Variants in ABCA10 observed in about 807,000 individuals in gnomAD.
The protein encoded by ABCA10 is ATP binding cassette subfamily A member 10.
In ABCA10, 169 loss-of-function variants were observed where a neutral mutation model predicts 187.5. The ratio of observed to expected loss-of-function variants is 0.90; its 90% CI spans 0.80 to 1.02. The LOEUF is 1.02. Among genes scored for constraint, ABCA10 ranks in the 50% least tolerant of loss-of-function variants. ABCA10 has a pLI of 0.00. For missense variants in ABCA10, 1,727 were observed against 1,812.4 expected (o/e 0.95, Z 0.86); for synonymous variants, 574 against 601.8 (o/e 0.95, Z 0.68).
intron 9 of ABCA10, among the ~76,000 whole-genome samples, chr17:69,206,753 T>C (rs1291192372): frequency 6.6e-6 from 1 of 152,134 alleles, no homozygotes; most frequent in Non-Finnish European, 1.5e-5. Flanking sequence ...GGAACATCTG[T>C]ACAAAAATCA....
chr17:69,235,232 GGA>G (rs1295862438), intron 1 of ABCA10, among the ~76,000 whole-genome samples: 1 of 152,134 alleles, frequency 6.6e-6, no homozygotes. Flanking sequence ...TGTGCCATTT[GGA>G]GAGTGCCTGA....
chr17:69,235,778 A>C (rs899655847), intron 1 of ABCA10, among the ~76,000 whole-genome samples: 7 of 152,108 alleles, frequency 4.6e-5, no homozygotes, highest in South Asian at 2.1e-4. Flanking sequence ...AGATTTAAAA[A>C]AAAGAAAACA....
At chr17:69,201,298 G>A (rs1226480422) in intron 10 of ABCA10, among the ~76,000 whole-genome samples, 1 of 152,154 alleles carries the variant, frequency 6.6e-6, no homozygotes, top group East Asian at 1.9e-4. Context: ...TGAGAGGCAA[G>A]AAAATGATAG....
chr17:69,149,137 T>G (rs1313572929), intron 37 of ABCA10, 49 bp from the exon 38 acceptor site: 2 of 1,602,508 alleles, frequency 1.2e-6, no homozygotes, highest in South Asian at 2.2e-5. Context: ...TTTCACCAAG[T>G]GTTTGTAAAG....
chr17:69,196,036 C>CCAT (rs2074497826), intron 11 of ABCA10, among the ~76,000 whole-genome samples: 1 of 152,364 alleles, frequency 6.6e-6, no homozygotes, highest in East Asian at 1.9e-4. Flanking sequence ...GACAAAACCG[C>CCAT]CATCATCATC....
intron 18 of ABCA10, 150 bp from the exon 19 acceptor site, chr17:69,188,029 T>C (rs2074435284): frequency 1.4e-6 from 1 of 705,882 alleles, no homozygotes; most frequent in East Asian, 2.7e-5. Flanking sequence ...TAAAAATCTT[T>C]CCTTCAAACA....
intron 15 of ABCA10, 70 bp from the exon 16 acceptor site, chr17:69,192,723 G>T: frequency 3.8e-6 from 5 of 1,311,558 alleles, no homozygotes; most frequent in Non-Finnish European, 5.4e-6. Flanking sequence ...CTCTACTTTG[G>T]ATACTAAAAC....
At chr17:69,207,534 G>GATAT (rs200057083) in intron 9 of ABCA10, among the ~76,000 whole-genome samples, 5 of 150,228 alleles carry the variant, frequency 3.3e-5, no homozygotes, top group Admixed American at 6.7e-5. Context: ...TTGTGAGATA[G>GATAT]ATATATATAT....
intron 18 of ABCA10, among the ~76,000 whole-genome samples, chr17:69,189,298 G>T (rs889857006): frequency 1.3e-5 from 2 of 151,984 alleles, no homozygotes; most frequent in African/African-American, 2.4e-5. Context: ...GAGCATTTTT[G>T]ATATGCTTGT....
In ABCA10 at chr17:69,216,208, C is replaced by A; in HGVS notation, c.672+9G>T. ...CAGGTTAAGAGGTAATATGCTTTTA[C>A]CAACTCACCAAAGAAAGGCCATATA... On this transcript the variant is annotated intron_variant, in intron 7 of 38. Transcript: ENST00000690296. The A allele has an allele frequency of 6.2e-7, 1 of 1,605,046 alleles. No homozygotes were observed. The highest frequency in any genetic ancestry group is 1.1e-5 in the South Asian group (1 of 88,592).
At chr17:69,153,777 A>C in intron 32 of ABCA10, 54 bp downstream of exon 32, 1 of 1,546,584 alleles carries the variant, frequency 6.5e-7, no homozygotes, top group Non-Finnish European at 8.7e-7. Flanking sequence ...ATAATGAAGA[A>C]ATGACATATT....
chr17:69,152,412 C>T lies in ABCA10; in HGVS notation c.4206G>A (p.Glu1402=), dbSNP rs1207950070. ...CCATACGGTCACACACAGCCTCAGC[C>T]TCTGACATGTAATGGGTGGTCAAGA... ...GTLLTTHYMS[E]AEAVCDRMAM... is the part of the protein sequence containing the mutation. The change falls in exon 35 of 39, where the codon GAG becomes GAA. Residue 1402 remains glutamate, a synonymous_variant. Transcript: ENST00000690296. 6.2e-6 allele frequency: 10 copies of T among 1,613,946 alleles called. No homozygotes were observed. The highest frequency in any genetic ancestry group is 8.5e-6 in the Non-Finnish European group (10 of 1,179,984).
chr17:69,186,472 T>C (rs1321986827), intron 19 of ABCA10, among the ~76,000 whole-genome samples: 1 of 152,066 alleles, frequency 6.6e-6, no homozygotes, highest in Non-Finnish European at 1.5e-5. Context: ...CCACCCTCCG[T>C]CTATCTCTCA....
At chr17:69,218,634 T>C (rs2074723668) in intron 6 of ABCA10, among the ~76,000 whole-genome samples, 1 of 149,350 alleles carries the variant, frequency 6.7e-6, no homozygotes, top group African/African-American at 2.6e-5. Flanking sequence ...TATAAATGCA[T>C]AGACTATATA....
chr17:69,210,839 T>TATATATATATA (rs1568069864), intron 9 of ABCA10, among the ~76,000 whole-genome samples: 1,452 of 30,666 alleles, frequency 0.047, 127 homozygotes, highest in African/African-American at 0.092. Context: ...TGCCACATAT[T>TATATATATATA]TATGCCACAT....
intron 15 of ABCA10, 98 bp downstream of exon 15, chr17:69,193,011 CT>C (rs2074472621): frequency 6.8e-7 from 1 of 1,473,380 alleles, no homozygotes. Context: ...TGCAAATAAA[CT>C]GCAAACAAGA....
In ABCA10 at chr17:69,153,343, C is replaced by T. The variant is rs78875590; in HGVS notation, c.4098G>A (p.Pro1366=). Residue 1366 remains proline (P), a synonymous_variant, in exon 34 of 39, where the codon CCG becomes CCA. Transcript: ENST00000690296. ...GNPSVVLLDE[P]FTGMDPEGQQ... is the part of the protein sequence containing the mutation. The stretch of plus-strand genomic sequence containing the variant: ...GCCCCTCGGGGTCCATCCCGGTGAA[C>T]GGCTCATCTAGAAGCACCACTGATG... The T allele has an allele frequency of 3.8e-3, 6,071 of 1,613,260 alleles. 182 individuals carry two copies. The African/African-American group carries it at 0.07, about 18-fold the overall frequency.
intron 9 of ABCA10, among the ~76,000 whole-genome samples, chr17:69,211,305 CATATATATGATATATATATATAT>C (rs200410482): frequency 8.2e-4 from 8 of 9,726 alleles, no homozygotes; most frequent in African/African-American, 2.9e-3. Flanking sequence ...ATATATACAT[CATATATATGATATATATATATAT>C]ATATATATAT....
intron 10 of ABCA10, among the ~76,000 whole-genome samples, chr17:69,197,648 T>C (rs2074515615): frequency 6.6e-6 from 1 of 152,236 alleles, no homozygotes; most frequent in Admixed American, 6.5e-5. Flanking sequence ...GAACACTTTT[T>C]AGTCCTTATT....
Sources: allele counts gnomAD v4.1 joint callset (sites outside exome capture counted in the v4.1 genomes callset), GRCh38; gene constraint gnomAD v4.1.1; transcripts MANE v1.5; gene names NCBI Gene and HGNC (gene_info 2026-07-23, HGNC 2026-07-21).